LHFPL2: variants seen among roughly 807,000 people sequenced by gnomAD.
LHFPL2 encodes the protein LHFPL tetraspan subfamily member 2.
Under a neutral mutation model 17.5 loss-of-function variants are expected in LHFPL2, and 7 were observed. That is an observed-to-expected ratio of 0.40 (90% CI 0.23 to 0.75). The LOEUF (loss-of-function observed/expected upper bound fraction) is 0.75. LHFPL2 is among the 30% of genes least tolerant of loss of function. The pLI, the probability that LHFPL2 is intolerant of heterozygous loss-of-function variation, is 0.37. For synonymous variants in LHFPL2, 134 were observed against 116.2 expected (o/e 1.15, Z -0.99); for missense variants, 241 against 294.8 (o/e 0.82, Z 1.34).
At chr5:78,521,413 T>C (rs1311366636) in intron 3 of LHFPL2, among the ~76,000 whole-genome samples, 6 of 152,244 alleles carry the variant, frequency 3.9e-5, no homozygotes, top group African/African-American at 1.4e-4. Context: ...AATGATGTTT[T>C]AAAATCTAAT....
At chr5:78,600,730 A>G (rs1034992920) in intron 2 of LHFPL2, among the ~76,000 whole-genome samples, 3 of 152,228 alleles carry the variant, frequency 2.0e-5, no homozygotes, top group Non-Finnish European at 4.4e-5. Context: ...CTCCGTCTCA[A>G]AATAAATAAA....
chr5:78,514,778 GACAA>G (rs1404131338), intron 3 of LHFPL2, among the ~76,000 whole-genome samples: 1 of 152,120 alleles, frequency 6.6e-6, no homozygotes, highest in East Asian at 1.9e-4. Flanking sequence ...ATGATGCCAG[GACAA>G]ACAATGTTTT....
intron 2 of LHFPL2, among the ~76,000 whole-genome samples, chr5:78,608,117 A>G (rs1561362932): frequency 6.6e-6 from 1 of 152,248 alleles, no homozygotes; most frequent in Non-Finnish European, 1.5e-5. Flanking sequence ...ACAACAGGTC[A>G]TTAATCACAT....
intron 4 of LHFPL2, among the ~76,000 whole-genome samples, chr5:78,498,457 G>A (rs1177908165): frequency 1.3e-5 from 2 of 152,166 alleles, no homozygotes; most frequent in African/African-American, 4.8e-5. Flanking sequence ...ATAGTCAGAA[G>A]TCATTCTGGC....
chr5:78,620,568 A>G (rs1310670906), intron 2 of LHFPL2, among the ~76,000 whole-genome samples: 1 of 152,084 alleles, frequency 6.6e-6, no homozygotes, highest in East Asian at 1.9e-4. Flanking sequence ...GCCCTCTTCC[A>G]CACCTCCAGA....
intron 2 of LHFPL2, among the ~76,000 whole-genome samples, chr5:78,618,849 C>T (rs1425230609): frequency 6.6e-6 from 1 of 152,188 alleles, no homozygotes; most frequent in African/African-American, 2.4e-5. Flanking sequence ...TGCTTCGGGA[C>T]TCGGAGCCTG....
intron 2 of LHFPL2, among the ~76,000 whole-genome samples, chr5:78,631,241 A>G (rs1029165533): frequency 6.6e-6 from 1 of 152,154 alleles, no homozygotes; most frequent in Non-Finnish European, 1.5e-5. Flanking sequence ...GCTCAATCCT[A>G]TGGTGGTCTG....
rs1325751544 is a variant in LHFPL2 at position 78,488,142 on chromosome 5, GA to G, written c.*754del. On this transcript the variant is annotated 3_prime_UTR_variant, in exon 5 of 5. Coordinates refer to ENST00000380345, the MANE Select transcript of LHFPL2 (RefSeq NM_005779.3). The stretch of plus-strand genomic sequence containing the variant: ...TCCAGAAGAAGAGGAGACTGGGCCA[GA>G]ACTGGTGCTAGCCTGGCTGCTGGGA... 2 of 152,292 alleles carry G rather than the reference GA, an allele frequency of 1.3e-5. No homozygotes were observed. The highest frequency in any genetic ancestry group is 6.5e-5 in the Admixed American group (1 of 15,284). The allele number at this position is 152,292 out of a possible 1,614,324, so 9.4% of individuals were successfully genotyped here.
intron 3 of LHFPL2, among the ~76,000 whole-genome samples, chr5:78,548,465 C>T (rs1756350096): frequency 6.6e-6 from 1 of 152,226 alleles, no homozygotes; most frequent in Admixed American, 6.5e-5. Flanking sequence ...CAGATTTGCC[C>T]CTGGAGCCAG....
Position 78,488,909 on chromosome 5 carries a change from G to GATC in LHFPL2, c.672_674dup (p.Leu224_Ile225insMet). ...TGTCTCTTCCAAACTAAAGGAGGCA[G>GATC]ATCAGATTTTTCCCCTCTTCAATTT... On this transcript the variant is annotated inframe_insertion, in exon 5 of 5. Coordinates refer to ENST00000380345, the MANE Select transcript of LHFPL2 (RefSeq NM_005779.3). 1.9e-6 allele frequency: 3 copies of GATC among 1,614,082 alleles called. No individual in the cohort carries two copies. Among genetic ancestry groups the GATC allele is most frequent in the Non-Finnish European group, 2.5e-6 (3 of 1,179,950 alleles).
At chr5:78,574,473 A>C (rs1436527175) in intron 2 of LHFPL2, among the ~76,000 whole-genome samples, 1 of 152,160 alleles carries the variant, frequency 6.6e-6, no homozygotes, top group Non-Finnish European at 1.5e-5. Context: ...TACCAACTGA[A>C]CCCTGACCCT....
intron 3 of LHFPL2, among the ~76,000 whole-genome samples, chr5:78,562,255 C>T (rs1010141640): frequency 2.6e-5 from 4 of 152,120 alleles, no homozygotes; most frequent in African/African-American, 9.7e-5. Flanking sequence ...TGAAAAGTGC[C>T]CTAGGTCACA....
chr5:78,600,244 C>T (rs895393746), intron 2 of LHFPL2, among the ~76,000 whole-genome samples: 6 of 150,860 alleles, frequency 4.0e-5, no homozygotes, highest in African/African-American at 1.5e-4. Context: ...AACTAGATAC[C>T]AATTCTAACA....
intron 2 of LHFPL2, among the ~76,000 whole-genome samples, chr5:78,579,491 C>T (rs13184835): frequency 1.1e-3 from 170 of 152,284 alleles, no homozygotes; most frequent in African/African-American, 3.8e-3. Context: ...AACCCTCCCC[C>T]CTTCCCCGAC....
intron 2 of LHFPL2, among the ~76,000 whole-genome samples, chr5:78,582,159 A>C (rs74876585): frequency 2.0e-5 from 3 of 151,880 alleles, no homozygotes; most frequent in South Asian, 2.1e-4. Context: ...TTTTTATTGC[A>C]TCTATTTGAT....
intron 3 of LHFPL2, among the ~76,000 whole-genome samples, chr5:78,550,225 G>A (rs2112391343): frequency 6.6e-6 from 1 of 152,302 alleles, no homozygotes; most frequent in African/African-American, 2.4e-5. Context: ...CCTTTGAAAA[G>A]AAAAGGCTCA....
chr5:78,496,496 G>C (rs1040704208), intron 4 of LHFPL2, among the ~76,000 whole-genome samples: 4 of 152,170 alleles, frequency 2.6e-5, no homozygotes, highest in Non-Finnish European at 5.9e-5. Flanking sequence ...AATCCCTCTA[G>C]TGTTTTGTGT....
In LHFPL2 at chr5:78,510,306, G is replaced by T; in HGVS notation, c.-93C>A. 1 of 1,267,306 alleles carries T rather than the reference G, an allele frequency of 7.9e-7. No individual in the cohort carries two copies. The highest frequency in any genetic ancestry group is 1.1e-6 in the Non-Finnish European group (1 of 929,706). The allele number at this position is 1,267,306 out of a possible 1,614,324, so 78.5% of individuals were successfully genotyped here. On this transcript the variant is annotated 5_prime_UTR_variant, in exon 4 of 5. Transcript: ENST00000380345. ...GAAGGAGGCTCGGGCGGCCCGGGAA[G>T]GAAGTCGCAGCTGCAGTCATTCACT... is the stretch of plus-strand genomic sequence containing the variant.
chr5:78,644,521 C>T (rs1561380082), intron 1 of LHFPL2: 9 of 584,106 alleles, frequency 1.5e-5, no homozygotes, highest in East Asian at 9.3e-5. Flanking sequence ...GATTTTTGGG[C>T]GACACTCAGA....
Sources: allele counts gnomAD v4.1 joint callset (sites outside exome capture counted in the v4.1 genomes callset), GRCh38; gene constraint gnomAD v4.1.1; transcripts MANE v1.5; gene names NCBI Gene and HGNC (gene_info 2026-07-23, HGNC 2026-07-21).